The following SNX24 variants were observed in gnomAD, a reference collection of about 807,000 sequenced individuals.
SNX24 encodes sorting nexin-24.
A neutral mutation model predicts 28.7 loss-of-function variants in SNX24; 22 were observed. The ratio of observed to expected loss-of-function variants is 0.77; its 90% confidence interval spans 0.55 to 1.10. The LOEUF (loss-of-function observed/expected upper bound fraction) is 1.10. SNX24 is among the 50% of genes least tolerant of loss of function. The pLI, the probability that SNX24 is intolerant of heterozygous loss-of-function variation, is 0.00. For missense variants in SNX24, 221 were observed against 201.1 expected (o/e 1.10, Z -0.60); for synonymous variants, 69 against 71.5 (o/e 0.96, Z 0.18).
chr5:123,023,780 A>G, intron 5 of SNX24: 1 of 1,405,172 alleles, frequency 7.1e-7, no homozygotes, highest in Non-Finnish European at 9.3e-7. Flanking sequence ...AGTAAAAAAA[A>G]AAAAGCAAAT....
chr5:122,902,676 G>A (rs1229038333), intron 1 of SNX24, among the ~76,000 whole-genome samples: 1 of 152,122 alleles, frequency 6.6e-6, no homozygotes, highest in Non-Finnish European at 1.5e-5. Context: ...CCCTAGCCCA[G>A]TACACACATT....
At position 122,923,358 on chromosome 5, in the gene SNX24, T is replaced by A. The variant is rs958836160; in HGVS notation, c.61-13376T>A. Reference sequence around the variant, plus strand: ...CATCTCTAAAAAAAAAAATTAAAATTAAAAAAAAAAAGAAGAATTAAAATT... The same window carrying A: ...CATCTCTAAAAAAAAAAATTAAAATAAAAAAAAAAAAGAAGAATTAAAATT... On this transcript the variant is annotated intron_variant, in intron 1 of 6. Coordinates refer to ENST00000261369, the MANE Select transcript of SNX24 (RefSeq NM_014035.4). Among the ~76,000 whole-genome samples the A allele has an allele frequency of 4.8e-5, 7 of 144,616 alleles. No homozygotes were observed. In the East Asian group the frequency reaches 8.0e-4, roughly 16 times the overall value. The allele number at this position is 144,616 out of a possible 152,430, so 94.9% of individuals were successfully genotyped here.
intron 5 of SNX24, among the ~76,000 whole-genome samples, chr5:123,020,382 A>G (rs537034881): frequency 6.6e-6 from 1 of 152,364 alleles, no homozygotes; most frequent in East Asian, 1.9e-4. Context: ...TTGCTTTATG[A>G]GAATGTGTTT....
intron 1 of SNX24, among the ~76,000 whole-genome samples, chr5:122,866,922 A>G (rs1394272997): frequency 6.6e-6 from 1 of 152,218 alleles, no homozygotes; most frequent in African/African-American, 2.4e-5. Flanking sequence ...CCTCTAGGCC[A>G]GCAGAGCATA....
At chr5:122,890,491 A>G (rs950443561) in intron 1 of SNX24, among the ~76,000 whole-genome samples, 1 of 139,034 alleles carries the variant, frequency 7.2e-6, no homozygotes, top group African/African-American at 2.7e-5. Flanking sequence ...TTTTTTTGAC[A>G]CGGAATCTCA....
chr5:123,010,974 TAGAC>T (rs1230499526), downstream of SNX24, among the ~76,000 whole-genome samples: 2 of 152,144 alleles, frequency 1.3e-5, no homozygotes, highest in Non-Finnish European at 2.9e-5. Flanking sequence ...ACCATATTGA[TAGAC>T]ATTTTACTTT....
At chr5:123,026,490 C>T (rs1016950655) in intron 5 of SNX24, among the ~76,000 whole-genome samples, 6 of 152,192 alleles carry the variant, frequency 3.9e-5, no homozygotes, top group Non-Finnish European at 8.8e-5. Flanking sequence ...AGGTATTCTC[C>T]GTCCTATTTT....
chr5:122,907,676 A>C (rs1257982558), intron 1 of SNX24, among the ~76,000 whole-genome samples: 1 of 152,206 alleles, frequency 6.6e-6, no homozygotes, highest in African/African-American at 2.4e-5. Context: ...GAAGGGAACA[A>C]TTTGTATGCA....
intron 1 of SNX24, among the ~76,000 whole-genome samples, chr5:122,873,076 C>T (rs1313956542): frequency 1.3e-5 from 2 of 152,120 alleles, no homozygotes; most frequent in Non-Finnish European, 2.9e-5. Flanking sequence ...AATAGGTCCA[C>T]CTGCCTCAGT....
At chr5:122,846,893 A>G (rs1754661570) in intron 1 of SNX24, among the ~76,000 whole-genome samples, 1 of 151,898 alleles carries the variant, frequency 6.6e-6, no homozygotes, top group Non-Finnish European at 1.5e-5. Context: ...GTGCATTCAC[A>G]TTTCGTTAAA....
intron 1 of SNX24, among the ~76,000 whole-genome samples, chr5:122,926,548 C>T (rs1758702088): frequency 6.6e-6 from 1 of 152,292 alleles, no homozygotes; most frequent in Non-Finnish European, 1.5e-5. Flanking sequence ...AAAGTTTCAA[C>T]AGCCTTGTCT....
intron 3 of SNX24, among the ~76,000 whole-genome samples, chr5:122,990,933 A>C (rs1761818046): frequency 6.6e-6 from 1 of 152,124 alleles, no homozygotes; most frequent in Non-Finnish European, 1.5e-5. Flanking sequence ...ACAGAGTCTC[A>C]TTCTGTTGTC....
At chr5:122,845,990 G>T (rs1266469583) in intron 1 of SNX24, among the ~76,000 whole-genome samples, 2 of 152,206 alleles carry the variant, frequency 1.3e-5, no homozygotes, top group East Asian at 3.9e-4. Context: ...GCCTTCGGGA[G>T]CCCAGGATGG....
At chr5:122,967,802 A>G (rs1760776329) in intron 3 of SNX24, among the ~76,000 whole-genome samples, 1 of 152,122 alleles carries the variant, frequency 6.6e-6, no homozygotes, top group Non-Finnish European at 1.5e-5. Context: ...ATGGCTTACC[A>G]GGAGTCCTGC....
At chr5:122,914,020 G>C (rs1171803928) in intron 1 of SNX24, among the ~76,000 whole-genome samples, 1 of 152,194 alleles carries the variant, frequency 6.6e-6, no homozygotes, top group Non-Finnish European at 1.5e-5. Context: ...TGAGGCAGGA[G>C]AATCAGGCAG....
At chr5:122,991,165 G>A (rs993296765) in intron 3 of SNX24, among the ~76,000 whole-genome samples, 1 of 152,002 alleles carries the variant, frequency 6.6e-6, no homozygotes, top group Admixed American at 6.5e-5. Flanking sequence ...CCAAAGTGCT[G>A]GGATTACAGG....
chr5:122,879,291 T>C (rs1756370487), intron 1 of SNX24, among the ~76,000 whole-genome samples: 1 of 152,152 alleles, frequency 6.6e-6, no homozygotes, highest in African/African-American at 2.4e-5. Flanking sequence ...ATTTAGAGAA[T>C]AGGAAGGGGT....
intron 1 of SNX24, among the ~76,000 whole-genome samples, chr5:122,916,504 C>CTT (rs11448679): frequency 1.2e-4 from 18 of 152,076 alleles, no homozygotes; most frequent in East Asian, 9.7e-4. Context: ...ATATTTTGTG[C>CTT]TTTTTTTATC....
chr5:122,846,681 T>G (rs558191496), intron 1 of SNX24, among the ~76,000 whole-genome samples: 82 of 152,186 alleles, frequency 5.4e-4, no homozygotes, highest in Admixed American at 1.4e-3. Context: ...GGGACTAAAT[T>G]ACCCTCTCAA....
Sources: allele counts gnomAD v4.1 joint callset (sites outside exome capture counted in the v4.1 genomes callset), GRCh38; gene constraint gnomAD v4.1.1; transcripts MANE v1.5; gene names NCBI Gene and HGNC (gene_info 2026-07-23, HGNC 2026-07-21).